Variants in RBM44 observed in about 807,000 individuals in gnomAD.
RBM44 encodes the protein RNA binding motif protein 44, also known as RNA-binding protein 44.
Under a neutral mutation model 105.1 loss-of-function variants are expected in RBM44, and 66 were observed. That is an observed-to-expected ratio of 0.63 (90% CI 0.52 to 0.77). The LOEUF (loss-of-function observed/expected upper bound fraction) is 0.77. RBM44 is among the 30% of genes least tolerant of loss of function. The pLI, the probability that RBM44 is intolerant of heterozygous loss-of-function variation, is 0.00. For synonymous variants in RBM44, 365 were observed against 417.6 expected (o/e 0.87, Z 1.54); for missense variants, 1,122 against 1,207.8 (o/e 0.93, Z 1.05).
rs1559911394 is a variant in RBM44, at chr2:237,817,107, CT to C, written c.189del (p.Asn64IlefsTer14). 6.2e-7 allele frequency: 1 copy of C among 1,608,420 alleles called. No homozygotes were observed. Among genetic ancestry groups the C allele is most frequent in the Admixed American group, 1.7e-5 (1 of 58,400 alleles). On this transcript the variant is annotated frameshift_variant, in exon 3 of 16. Coordinates refer to ENST00000316997, the MANE Select transcript of RBM44 (RefSeq NM_001080504.3). LOFTEE classifies it high-confidence loss of function. ...DWNSSTLEQRANNKEISNIDK... is the reference protein window; with the variant it reads ...DWNSSTLEQRXNNKEISNIDK... Reference sequence around the variant, plus strand: ...AATTCTTCGACACTAGAGCAAAGAGCTAATAATAAAGAAATCAGCAATATTG... The same window carrying C: ...AATTCTTCGACACTAGAGCAAAGAGCAATAATAAAGAAATCAGCAATATTG...
intron 8 of RBM44, 106 bp from the exon 9 acceptor site, chr2:237,823,334 T>C (rs1346344620): frequency 1.7e-6 from 1 of 579,494 alleles, no homozygotes; most frequent in African/African-American, 1.9e-5. Flanking sequence ...TTCAGAGCCC[T>C]CATTACTGTA....
rs755423493 is a variant in RBM44 at position 237,820,196 on chromosome 2, T to C, written c.1758T>C (p.Asp586=). 3 of 1,542,102 alleles carry C rather than the reference T, an allele frequency of 1.9e-6. No homozygotes were observed. The Admixed American group carries it at 6.3e-5, about 32-fold the overall frequency. Residue 586 remains aspartate, a synonymous_variant, in exon 5 of 16, where the codon GAT becomes GAC. Coordinates refer to ENST00000316997, the MANE Select transcript of RBM44 (RefSeq NM_001080504.3). ...HPEREFQLFK[D]TEKDLPSMCC... ...AAAGGGAATTTCAACTTTTTAAAGATACAGAGAAGGATTTGCCATCAATGT... is the reference window on the plus strand; with the variant it reads ...AAAGGGAATTTCAACTTTTTAAAGACACAGAGAAGGATTTGCCATCAATGT...
Position 237,827,326 on chromosome 2 carries a change from T to G in RBM44, c.2526T>G (p.Ser842=). The change falls in exon 11 of 16, where the codon TCT becomes TCG. Residue 842 remains serine, a synonymous_variant. Transcript: ENST00000316997. ...IHVGGLCPSV[S]EADLRSHFQK... Reference sequence around the variant, plus strand: ...TTGGTGGCCTCTGCCCTTCAGTATCTGAGGTATACCAGGATTATTTTTTTG... The same window carrying G: ...TTGGTGGCCTCTGCCCTTCAGTATCGGAGGTATACCAGGATTATTTTTTTG... The G allele has an allele frequency of 6.4e-7, 1 of 1,564,064 alleles. No homozygotes were observed. Among genetic ancestry groups the G allele is most frequent in the East Asian group, 2.3e-5 (1 of 44,376 alleles).
At chr2:237,805,316 A>C (rs1177416265) in intron 1 of RBM44, among the ~76,000 whole-genome samples, 1 of 152,246 alleles carries the variant, frequency 6.6e-6, no homozygotes, top group Admixed American at 6.5e-5. Context: ...CGTACTGTAA[A>C]GCACTGCTGA....
chr2:237,817,565 G>C lies in RBM44; in HGVS notation c.646G>C (p.Val216Leu). ...TKALDISNPEVVELGNSGYEV... is the reference protein window; with the variant it reads ...TKALDISNPELVELGNSGYEV... The stretch of plus-strand genomic sequence containing the variant: ...AGCATTAGATATATCTAATCCAGAA[G>C]TTGTTGAATTAGGAAATTCGGGTTA... The change falls in exon 3 of 16, where the codon GTT becomes CTT. Residue 216 changes from valine (V) to leucine (L), a missense_variant. Val to Leu is a conservative substitution (Grantham distance 32). Around this residue, in one of 3 missense-constraint regions of RBM44, gnomAD observed 918 missense variants for 955.3 expected, o/e 0.96. Coordinates refer to ENST00000316997, the MANE Select transcript of RBM44 (RefSeq NM_001080504.3). The C allele has an allele frequency of 6.2e-7, 1 of 1,612,412 alleles. No homozygotes were observed. The highest frequency in any genetic ancestry group is 8.5e-7 in the Non-Finnish European group (1 of 1,179,144).
chr2:237,838,810 C>T (rs568599508), intron 15 of RBM44, among the ~76,000 whole-genome samples: 1 of 152,104 alleles, frequency 6.6e-6, no homozygotes, highest in Admixed American at 6.6e-5. Flanking sequence ...TCCAAAAGTC[C>T]TTTTCCAGTG....
intron 1 of RBM44, among the ~76,000 whole-genome samples, chr2:237,800,206 T>C (rs187610640): frequency 6.4e-4 from 97 of 152,346 alleles, no homozygotes; most frequent in African/African-American, 1.9e-3. Context: ...GGTTTTGATT[T>C]GCATTTCCTT....
intron 15 of RBM44, among the ~76,000 whole-genome samples, chr2:237,839,320 C>A (rs1377351524): frequency 6.6e-6 from 1 of 152,116 alleles, no homozygotes; most frequent in Admixed American, 6.5e-5. Context: ...GTCGCCCAGG[C>A]TGGAGTACAA....
chr2:237,831,245 G>T (rs148548247), intron 13 of RBM44, among the ~76,000 whole-genome samples: 16,763 of 84,062 alleles, frequency 0.2, 1,373 homozygotes, highest in East Asian at 0.42. Flanking sequence ...CTTTTTTTTG[G>T]GGGGGGGGGG....
At chr2:237,824,881 T>C (rs560143075) in intron 10 of RBM44, among the ~76,000 whole-genome samples, 15 of 152,276 alleles carry the variant, frequency 9.9e-5, no homozygotes, top group African/African-American at 3.4e-4. Flanking sequence ...AGAATAGTTA[T>C]AATTTTCTCT....
chr2:237,799,151 A>G (rs965049920), intron 1 of RBM44: 2 of 152,090 alleles, frequency 1.3e-5, no homozygotes, highest in Non-Finnish European at 2.9e-5. Flanking sequence ...GGTCTCCCAA[A>G]CTTGGTTATG....
At chr2:237,813,513 A>T (rs910715728) in intron 1 of RBM44, 79 bp from the exon 2 acceptor site, 41 of 714,610 alleles carry the variant, frequency 5.7e-5, no homozygotes, top group Non-Finnish European at 8.2e-5. Context: ...TTAAAAGGAC[A>T]TATCTTTCTG....
intron 10 of RBM44, among the ~76,000 whole-genome samples, chr2:237,826,012 C>T (rs1007192736): frequency 6.6e-6 from 1 of 152,112 alleles, no homozygotes; most frequent in African/African-American, 2.4e-5. Context: ...CCTCAGCATC[C>T]TTATCTGTAA....
At chr2:237,821,511 ATAT>A (rs2150981486) in intron 7 of RBM44, 143 bp downstream of exon 7, 1 of 768,028 alleles carries the variant, frequency 1.3e-6, no homozygotes. Context: ...TTGACATTTA[ATAT>A]TGTACAAATG....
chr2:237,814,539 C>A (rs1324966089), intron 2 of RBM44, among the ~76,000 whole-genome samples: 2 of 151,918 alleles, frequency 1.3e-5, no homozygotes, highest in East Asian at 1.9e-4. Flanking sequence ...TTAAAAAAAT[C>A]TATTGAAGAG....
At chr2:237,811,778 C>T (rs1408946590) in intron 1 of RBM44, among the ~76,000 whole-genome samples, 1 of 151,774 alleles carries the variant, frequency 6.6e-6, no homozygotes, top group African/African-American at 2.4e-5. Context: ...TTTAAAAGTA[C>T]CTCTTTATTG....
At chr2:237,812,807 T>G (rs2061672780) in intron 1 of RBM44, among the ~76,000 whole-genome samples, 1 of 152,116 alleles carries the variant, frequency 6.6e-6, no homozygotes, top group Non-Finnish European at 1.5e-5. Context: ...ATGTGTCCAT[T>G]GGGATATTCT....
Position 237,817,955 on chromosome 2 carries a change from A to G in RBM44, c.1036A>G (p.Ile346Val). ...NEGKDFCGNKIVENKILLHLE... is the reference protein window; with the variant it reads ...NEGKDFCGNKVVENKILLHLE... ...AGGTAAAGATTTTTGTGGAAATAAA[A>G]TTGTTGAGAACAAAATATTACTGCA... The change falls in exon 3 of 16, where the codon ATT (isoleucine) becomes GTT (valine). Residue 346 changes from isoleucine to valine, a missense_variant. Ile to Val is a conservative substitution (Grantham distance 29, BLOSUM62 3). Around this residue, in one of 3 missense-constraint regions of RBM44, gnomAD observed 918 missense variants for 955.3 expected, o/e 0.96. Transcript: ENST00000316997. 3.7e-6 allele frequency: 6 copies of G among 1,604,918 alleles called. No individual in the cohort carries two copies. Among genetic ancestry groups the G allele is most frequent in the Non-Finnish European group, 5.1e-6 (6 of 1,177,332 alleles).
chr2:237,821,878 C>A, intron 8 of RBM44, 51 bp downstream of exon 8: 2 of 1,242,298 alleles, frequency 1.6e-6, no homozygotes, highest in Non-Finnish European at 2.3e-6. Flanking sequence ...GTATGGTTTA[C>A]GTAAAGTAAA....
Sources: gnomAD v4.1 joint callset for allele counts (sites outside exome capture counted in the v4.1 genomes callset) on GRCh38, gnomAD v4.1.1 for gene constraint, gnomAD v4.1.1 regional missense constraint, MANE v1.5 for transcripts, NCBI Gene and HGNC (gene_info 2026-07-23, HGNC 2026-07-21) for gene names.